SFXN5: variants seen among roughly 807,000 people sequenced by gnomAD.
SFXN5 encodes the protein sideroflexin 5, also known as sideroflexin-5.
A neutral mutation model predicts 50.2 loss-of-function variants in SFXN5; 43 were observed. The ratio of observed to expected loss-of-function variants is 0.86; its 90% CI spans 0.67 to 1.11. The LOEUF (loss-of-function observed/expected upper bound fraction) is 1.11. Ranked by LOEUF, SFXN5 falls within the 50% of genes least tolerant of loss-of-function variation. SFXN5 has a pLI of 0.00. For missense variants in SFXN5, 463 were observed against 454.1 expected, an observed-to-expected ratio of 1.02 and a Z score of -0.18; for synonymous variants, 203 against 185.8, an observed-to-expected ratio of 1.09 and a Z score of -0.75.
chr2:73,048,709 T>G (rs934046138), intron 2 of SFXN5, among the ~76,000 whole-genome samples: 1 of 152,210 alleles, frequency 6.6e-6, no homozygotes, highest in Non-Finnish European at 1.5e-5. Context: ...GGATGCTAAG[T>G]TTGGTCATCT....
At chr2:73,032,939 G>A (rs1678502067) in intron 3 of SFXN5, among the ~76,000 whole-genome samples, 1 of 152,076 alleles carries the variant, frequency 6.6e-6, no homozygotes, top group Admixed American at 6.6e-5. Context: ...GTCAGGTGAG[G>A]GTACCCCCAA....
At chr2:72,991,930 C>CATCCAAATA (rs1430991470) in intron 9 of SFXN5, among the ~76,000 whole-genome samples, 21 of 152,224 alleles carry the variant, frequency 1.4e-4, no homozygotes, top group Non-Finnish European at 2.5e-4. Context: ...GTTTTAACAG[C>CATCCAAATA]ATCCAAATAA....
intron 10 of SFXN5, among the ~76,000 whole-genome samples, chr2:72,972,696 G>T (rs1393693256): frequency 6.6e-6 from 1 of 152,238 alleles, no homozygotes; most frequent in African/African-American, 2.4e-5. Context: ...GGGTGGGCAG[G>T]TGGGGAGTGG....
At chr2:73,007,134 G>T (rs998914869) in intron 6 of SFXN5, among the ~76,000 whole-genome samples, 1 of 152,162 alleles carries the variant, frequency 6.6e-6, no homozygotes, top group Non-Finnish European at 1.5e-5. Flanking sequence ...AAGGCAGGAG[G>T]GGTAAGGCCA....
Position 73,059,786 on chromosome 2 carries a change from T to C in SFXN5, c.103-1190A>G, listed in dbSNP as rs975723104. Reference sequence around the variant, plus strand: ...ACCATTTTCCCATTAAAGACATACATAAGGGAGGCTCACAATGCTGTCCTG... The same window carrying C: ...ACCATTTTCCCATTAAAGACATACACAAGGGAGGCTCACAATGCTGTCCTG... On this transcript the variant is annotated intron_variant, in intron 1 of 13. Coordinates refer to ENST00000272433, the MANE Select transcript of SFXN5 (RefSeq NM_144579.3). 10 of 979,560 alleles carry C rather than the reference T, an allele frequency of 1.0e-5. 2 individuals carry two copies. The highest frequency in any genetic ancestry group is 3.5e-5 in the African/African-American group (2 of 56,514). 60.7% of individuals were successfully genotyped at this position (979,560 alleles called of 1,614,324 possible). A position where few individuals can be genotyped will look rare whatever the true frequency, so the allele number is the denominator to read the frequency against.
At chr2:72,990,254 A>G (rs115727624) in intron 9 of SFXN5, among the ~76,000 whole-genome samples, 3,640 of 152,258 alleles carry the variant, frequency 0.024, 152 homozygotes, top group African/African-American at 0.082. Flanking sequence ...TCAGAGTCCA[A>G]TCCTTGTCCT....
At chr2:72,969,398 G>T (rs991532013) in intron 11 of SFXN5, among the ~76,000 whole-genome samples, 23 of 151,886 alleles carry the variant, frequency 1.5e-4, no homozygotes, top group East Asian at 1.9e-4. Flanking sequence ...TGTTTTTTTT[G>T]TTTGTTTGTT....
At position 73,001,589 on chromosome 2, in the gene SFXN5, G is replaced by C. The variant is rs1051355897; in HGVS notation, c.358-11C>G. On this transcript the variant is annotated splice_polypyrimidine_tract_variant and intron_variant, in intron 6 of 13. Coordinates refer to ENST00000272433, the MANE Select transcript of SFXN5 (RefSeq NM_144579.3). ...GAGAAGACCGACTACCTATGAGCAA[G>C]AGAGAAGAAATGCTGAAAAAGGCAG... The C allele has an allele frequency of 6.2e-6, 10 of 1,614,040 alleles. No individual in the cohort carries two copies. Among genetic ancestry groups the C allele is most frequent in the Non-Finnish European group, 8.5e-6 (10 of 1,179,932 alleles).
chr2:73,013,029 A>C (rs761074739), intron 6 of SFXN5, among the ~76,000 whole-genome samples: 13 of 150,060 alleles, frequency 8.7e-5, no homozygotes, highest in African/African-American at 2.5e-4. Context: ...CTCTAGTATA[A>C]ATCAGGAGAA....
chr2:72,986,976 C>G (rs1338998018), intron 10 of SFXN5, among the ~76,000 whole-genome samples: 2 of 152,210 alleles, frequency 1.3e-5, no homozygotes, highest in Non-Finnish European at 2.9e-5. Context: ...CCACGAACCA[C>G]TCTGGTAGTC....
chr2:72,968,825 C>T (rs1411312178), intron 11 of SFXN5, among the ~76,000 whole-genome samples: 1 of 149,848 alleles, frequency 6.7e-6, no homozygotes, highest in Non-Finnish European at 1.5e-5. Context: ...TTTTTTGAGA[C>T]AGAGTCTTGC....
At chr2:72,978,714 C>T (rs762080360) in intron 10 of SFXN5, among the ~76,000 whole-genome samples, 5 of 152,154 alleles carry the variant, frequency 3.3e-5, no homozygotes, top group African/African-American at 4.8e-5. Flanking sequence ...AAGCTAGAAA[C>T]GTATGTACCC....
chr2:73,048,145 A>G (rs1013891011), intron 2 of SFXN5, among the ~76,000 whole-genome samples: 1 of 152,222 alleles, frequency 6.6e-6, no homozygotes. Context: ...ATATACACGT[A>G]TCATGCATAT....
At chr2:72,974,047 G>C (rs1471823859) in intron 10 of SFXN5, among the ~76,000 whole-genome samples, 1 of 152,222 alleles carries the variant, frequency 6.6e-6, no homozygotes, top group Non-Finnish European at 1.5e-5. Flanking sequence ...GGGGACTTGA[G>C]CCATTGCCAC....
At chr2:73,024,789 A>G (rs1677349946) in intron 3 of SFXN5, among the ~76,000 whole-genome samples, 1 of 152,234 alleles carries the variant, frequency 6.6e-6, no homozygotes, top group Admixed American at 6.5e-5. Context: ...AATGGTTGTT[A>G]TGCTTCATGT....
chr2:73,067,223 A>G lies in SFXN5; in HGVS notation c.102+4381T>C, dbSNP rs187609899. 6.5e-4 allele frequency among the ~76,000 whole-genome samples: 99 copies of G among 152,370 alleles called. 4 individuals carry two copies. Among genetic ancestry groups the G allele is most frequent in the African/African-American group, 4.8e-4 (20 of 41,596 alleles). On this transcript the variant is annotated intron_variant, in intron 1 of 13. Transcript: ENST00000272433. ...GGCAACCCAAGTTGAGGGACACTCT[A>G]TAAAATATCTTCCAAAATTGTCAAG...
At chr2:73,041,454 G>C (rs1213315918) in intron 2 of SFXN5, among the ~76,000 whole-genome samples, 2 of 152,098 alleles carry the variant, frequency 1.3e-5, no homozygotes, top group Non-Finnish European at 2.9e-5. Context: ...CACTTTTGGA[G>C]GCTGAGGCGG....
intron 7 of SFXN5, among the ~76,000 whole-genome samples, chr2:73,001,242 G>A (rs1673870820): frequency 6.6e-6 from 1 of 152,250 alleles, no homozygotes; most frequent in Non-Finnish European, 1.5e-5. Flanking sequence ...CCACCCCACT[G>A]ACAAGCCAGC....
At position 73,054,085 on chromosome 2, in the gene SFXN5, C is replaced by T. The variant is rs567320872; in HGVS notation, c.171+4443G>A. Among the ~76,000 whole-genome samples the T allele has an allele frequency of 5.9e-5, 9 of 152,256 alleles. No individual in the cohort carries two copies. In the South Asian group the frequency reaches 1.9e-3, roughly 32 times the overall value. ...AGACGAGAGCCAATGAGGAGTATGG[C>T]CGCTATCTTGCTTGCCCAGAGGTCC... On this transcript the variant is annotated intron_variant, in intron 2 of 13. Transcript: ENST00000272433.
Sources: gnomAD v4.1 joint callset for allele counts (sites outside exome capture counted in the v4.1 genomes callset) on GRCh38, gnomAD v4.1.1 for gene constraint, MANE v1.5 for transcripts, NCBI Gene and HGNC (gene_info 2026-07-23, HGNC 2026-07-21) for gene names.